TMEM19: variants seen among roughly 807,000 people sequenced by gnomAD.
TMEM19 encodes the protein transmembrane protein 19.
A neutral mutation model predicts 33.6 loss-of-function variants in TMEM19; 21 were observed. The ratio of observed to expected loss-of-function variants is 0.62; its 90% CI spans 0.44 to 0.90. The LOEUF (loss-of-function observed/expected upper bound fraction) is 0.90, where lower values mean the gene tolerates loss of function less well. Ranked by LOEUF, TMEM19 falls within the 40% of genes least tolerant of loss-of-function variation. The pLI is 0.00. For synonymous variants in TMEM19, 149 were observed against 147.5 expected, an observed-to-expected ratio of 1.01 and a Z score of -0.07; for missense variants, 402 against 401.8, an observed-to-expected ratio of 1.00 and a Z score of 0.00.
Position 71,686,440 on chromosome 12 carries a change from C to T in TMEM19, c.-241C>T, listed in dbSNP as rs1006574304. 2.7e-6 allele frequency: 1 copy of T among 370,170 alleles called. No individual in the cohort carries two copies. Among genetic ancestry groups the T allele is most frequent in the Non-Finnish European group, 4.8e-6 (1 of 207,710 alleles). The allele number at this position is 370,170 out of a possible 1,614,324, so 22.9% of individuals were successfully genotyped here. A position where few individuals can be genotyped will look rare whatever the true frequency, so the allele number is the denominator to read the frequency against. ...CAGCCGGCGACCGGCCCTCACCGTCCGCCGGGTTGCGCTCTGCTTTTGCGG... is the reference window on the plus strand; with the variant it reads ...CAGCCGGCGACCGGCCCTCACCGTCTGCCGGGTTGCGCTCTGCTTTTGCGG... On this transcript the variant is annotated 5_prime_UTR_variant, in exon 1 of 6. Coordinates refer to ENST00000266673, the MANE Select transcript of TMEM19 (RefSeq NM_018279.4).
In TMEM19 at chr12:71,701,314, CTTATT is replaced by C. The variant is rs922246767; in HGVS notation, c.*322_*326del. The C allele has an allele frequency of 1.1e-5, 2 of 181,414 alleles. No homozygotes were observed. The highest frequency in any genetic ancestry group is 2.4e-5 in the African/African-American group (1 of 42,506). The allele number at this position is 181,414 out of a possible 1,614,324, so 11.2% of individuals were successfully genotyped here. ...TTACATAATCAATGTCAAGTTTTGT[CTTATT>C]TTGTTTTGTTTGTTTAAACCAGTGT... On this transcript the variant is annotated 3_prime_UTR_variant, in exon 6 of 6. Coordinates refer to ENST00000266673, the MANE Select transcript of TMEM19 (RefSeq NM_018279.4).
rs183742443 is a variant in TMEM19, at chr12:71,704,102, G to A, written c.*3107G>A. The A allele has an allele frequency of 5.7e-6, 2 of 351,614 alleles. No homozygotes were observed. Among genetic ancestry groups the A allele is most frequent in the East Asian group, 1.6e-4 (2 of 12,406 alleles). The allele number at this position is 351,614 out of a possible 1,614,324, so 21.8% of individuals were successfully genotyped here. On this transcript the variant is annotated 3_prime_UTR_variant, in exon 6 of 6. Transcript: ENST00000266673. ...TCATACTGTTCCATGATAGAAGAGA[G>A]CAGATATATGTGGCTTGGGGCAGCT...
At chr12:71,692,334 AG>A (rs1435094095) in intron 2 of TMEM19, among the ~76,000 whole-genome samples, 1 of 152,216 alleles carries the variant, frequency 6.6e-6, no homozygotes, top group African/African-American at 2.4e-5. Context: ...GCATTAATAG[AG>A]AAGTATATAG....
chr12:71,702,991 C>A lies in TMEM19; in HGVS notation c.*1996C>A, dbSNP rs1458005936. On this transcript the variant is annotated 3_prime_UTR_variant, in exon 6 of 6. Transcript: ENST00000266673. ...GGTCAGGAGTTCGAGACCAGCCTGG[C>A]CAACATGGTGAAACACCGTCTCTAC... 1 of 151,686 alleles carries A rather than the reference C, an allele frequency of 6.6e-6. No homozygotes were observed. Among genetic ancestry groups the A allele is most frequent in the Non-Finnish European group, 1.5e-5 (1 of 67,958 alleles). 9.4% of individuals were successfully genotyped at this position (151,686 alleles called of 1,614,324 possible).
intron 3 of TMEM19, 53 bp from the exon 4 acceptor site, chr12:71,697,227 T>C: frequency 6.4e-7 from 1 of 1,550,838 alleles, no homozygotes; most frequent in Non-Finnish European, 8.6e-7. Flanking sequence ...ACTGCATGGT[T>C]TTTCTTCTAA....
chr12:71,697,178 G>T, intron 3 of TMEM19, 102 bp from the exon 4 acceptor site: 2 of 1,468,330 alleles, frequency 1.4e-6, no homozygotes, highest in Admixed American at 2.7e-5. Flanking sequence ...TTTTTTTGTT[G>T]TTTTTCTTTT....
intron 5 of TMEM19, among the ~76,000 whole-genome samples, chr12:71,700,326 G>T (rs1881954568): frequency 6.6e-6 from 1 of 152,198 alleles, no homozygotes; most frequent in Admixed American, 6.5e-5. Context: ...AATGCATGCA[G>T]TAGGGGAGAT....
intron 4 of TMEM19, among the ~76,000 whole-genome samples, chr12:71,697,802 G>A (rs1172576033): frequency 6.6e-6 from 1 of 152,150 alleles, no homozygotes; most frequent in East Asian, 1.9e-4. Context: ...AGTAGGGAAG[G>A]AAAAGAGAGG....
At chr12:71,693,611 T>C (rs991013187) in intron 2 of TMEM19, among the ~76,000 whole-genome samples, 10 of 152,178 alleles carry the variant, frequency 6.6e-5, no homozygotes, top group Admixed American at 5.9e-4. Flanking sequence ...TTTATAGATG[T>C]TAGTTATTAT....
At chr12:71,689,331 A>C (rs566072631) in intron 1 of TMEM19, among the ~76,000 whole-genome samples, 3 of 152,362 alleles carry the variant, frequency 2.0e-5, no homozygotes, top group African/African-American at 7.2e-5. Context: ...ATATAGCTTA[A>C]GTGTGTAGTA....
chr12:71,689,723 T>C lies in TMEM19; in HGVS notation c.244+19T>C. On this transcript the variant is annotated intron_variant, in intron 2 of 5. Transcript: ENST00000266673. ...CTAGGAGGTATGTTTTTATTTTGAA[T>C]GTTTACAGTAACTACTAAGTGCTTG... 1 of 1,544,728 alleles carries C rather than the reference T, an allele frequency of 6.5e-7. No homozygotes were observed. Among genetic ancestry groups the C allele is most frequent in the Non-Finnish European group, 8.9e-7 (1 of 1,120,698 alleles).
chr12:71,697,495 T>A lies in TMEM19; in HGVS notation c.598T>A (p.Ser200Thr). The A allele has an allele frequency of 6.3e-7, 1 of 1,586,646 alleles. No homozygotes were observed. Residue 200 changes from serine to threonine, a missense_variant, in exon 4 of 6, where the codon TCT becomes ACT. Physicochemically the swap from Ser to Thr is moderately conservative, Grantham distance 58. Coordinates refer to ENST00000266673, the MANE Select transcript of TMEM19 (RefSeq NM_018279.4). Reference sequence around the variant, plus strand: ...AGTTGGCCCAGTTCTGAGTAAAAGTTCTCCAAGACTGATAACAACCTGGGA... The same window carrying A: ...AGTTGGCCCAGTTCTGAGTAAAAGTACTCCAAGACTGATAACAACCTGGGA... The part of the protein sequence containing the change: ...SEVGPVLSKS[S>T]PRLITTWEKV...
chr12:71,689,096 C>T (rs913273204), intron 1 of TMEM19, among the ~76,000 whole-genome samples: 1 of 152,130 alleles, frequency 6.6e-6, no homozygotes, highest in Admixed American at 6.6e-5. Flanking sequence ...ACTGTTTCTC[C>T]GAAAATATGC....
chr12:71,694,919 C>T (rs1881844965), intron 2 of TMEM19, among the ~76,000 whole-genome samples: 1 of 152,190 alleles, frequency 6.6e-6, no homozygotes, highest in African/African-American at 2.4e-5. Flanking sequence ...ACTCTACTCC[C>T]ATTGTCAGAA....
chr12:71,695,088 A>T (rs371351904), intron 2 of TMEM19, among the ~76,000 whole-genome samples: 2 of 152,204 alleles, frequency 1.3e-5, no homozygotes, highest in African/African-American at 4.8e-5. Context: ...ATATTTAGAG[A>T]TCTGCAGGAT....
rs1197899930 is a variant in TMEM19, at chr12:71,701,089, C to T, written c.*94C>T. On this transcript the variant is annotated 3_prime_UTR_variant, in exon 6 of 6. Transcript: ENST00000266673. ...AAGAATAATAACTGTAATGGCAAAG[C>T]GGAAATGCCAGTTCCTCCTGTATTC... is the stretch of plus-strand genomic sequence containing the variant. The T allele has an allele frequency of 8.5e-6, 11 of 1,292,694 alleles. No homozygotes were observed. Among genetic ancestry groups the T allele is most frequent in the Admixed American group, 7.7e-5 (3 of 39,038 alleles). The allele number at this position is 1,292,694 out of a possible 1,614,324, so 80.1% of individuals were successfully genotyped here.
At chr12:71,689,499 A>G in intron 1 of TMEM19, 92 bp from the exon 2 acceptor site, 1 of 885,338 alleles carries the variant, frequency 1.1e-6, no homozygotes, top group Non-Finnish European at 1.9e-6. Flanking sequence ...TTATGACAGT[A>G]TTTTAGTCTA....
chr12:71,703,205 A>T lies in TMEM19; in HGVS notation c.*2210A>T, dbSNP rs1316385750. On this transcript the variant is annotated 3_prime_UTR_variant, in exon 6 of 6. Transcript: ENST00000266673. Reference sequence around the variant, plus strand: ...TCCATCTCAAAAAAAAAAAAAAAAAAAAAAAAAAAAAAAAAAAAAAAGAAT... The same window carrying T: ...TCCATCTCAAAAAAAAAAAAAAAAATAAAAAAAAAAAAAAAAAAAAAGAAT... The T allele has an allele frequency of 2.3e-5, 2 of 85,912 alleles. No homozygotes were observed. Among genetic ancestry groups the T allele is most frequent in the African/African-American group, 6.3e-5 (1 of 15,906 alleles). 5.3% of individuals were successfully genotyped at this position (85,912 alleles called of 1,614,324 possible).
rs1881964914 is a variant in TMEM19, at chr12:71,700,850, G to A, written c.866G>A (p.Gly289Asp). 1.2e-6 allele frequency: 2 copies of A among 1,606,902 alleles called. No homozygotes were observed. The highest frequency in any genetic ancestry group is 1.7e-5 in the Admixed American group (1 of 59,160). Residue 289 changes from glycine to aspartate, a missense_variant, in exon 6 of 6, where the codon GGC becomes GAC. By Grantham distance (94) the Gly-to-Asp change is moderately conservative (BLOSUM62 -1). Coordinates refer to ENST00000266673, the MANE Select transcript of TMEM19 (RefSeq NM_018279.4). The stretch of plus-strand genomic sequence containing the variant: ...ATTCCAGGGTTGGATGAAAGCACTG[G>A]CATGGTGGTCAACAGCCCAACAAAT... Reference protein sequence around the residue: ...MQYTGLDESTGMVVNSPTNKA... With the variant: ...MQYTGLDESTDMVVNSPTNKA...
Sources: gnomAD v4.1 joint callset for allele counts (sites outside exome capture counted in the v4.1 genomes callset) on GRCh38, gnomAD v4.1.1 for gene constraint, MANE v1.5 for transcripts, NCBI Gene and HGNC (gene_info 2026-07-23, HGNC 2026-07-21) for gene names.